Variants in ANO3 observed in about 807,000 individuals in gnomAD.
ANO3 encodes anoctamin-3.
Under a neutral mutation model 144.8 loss-of-function variants are expected in ANO3, and 99 were observed. The ratio of observed to expected loss-of-function variants is 0.68; its 90% CI spans 0.58 to 0.81. ANO3 has a LOEUF of 0.81. ANO3 is among the 30% of genes least tolerant of loss of function. The pLI is 0.00. For synonymous variants in ANO3, 414 were observed against 392.6 expected (o/e 1.05, Z -0.64); for missense variants, 905 against 1,202.2 (o/e 0.75, Z 3.66).
chr11:26,391,407 T>C (rs1311558108), intron 1 of ANO3, among the ~76,000 whole-genome samples: 1 of 152,158 alleles, frequency 6.6e-6, no homozygotes, highest in Non-Finnish European at 1.5e-5. Flanking sequence ...TTAAAGTTCC[T>C]ATTTCTTAAT....
intron 1 of ANO3, among the ~76,000 whole-genome samples, chr11:26,395,834 T>C (rs1856998267): frequency 6.6e-6 from 1 of 151,992 alleles, no homozygotes; most frequent in African/African-American, 2.4e-5. Flanking sequence ...CCTAAAACCA[T>C]AAAAACCCTA....
chr11:26,602,056 G>A (rs976367283), intron 17 of ANO3, among the ~76,000 whole-genome samples: 12 of 152,106 alleles, frequency 7.9e-5, no homozygotes, highest in South Asian at 4.1e-4. Flanking sequence ...GGGATGGTAC[G>A]TTTTATGATA....
chr11:26,559,714 C>G lies in ANO3; in HGVS notation c.1387-5C>G. The G allele has an allele frequency of 6.2e-7, 1 of 1,607,876 alleles. No homozygotes were observed. The highest frequency in any genetic ancestry group is 8.5e-7 in the Non-Finnish European group (1 of 1,174,688). ...GACTAATATTTCTGTTTGTTTTCTA[C>G]TCAGGTGACATATTTGTTCGATAAT... On this transcript the variant is annotated splice_polypyrimidine_tract_variant and splice_region_variant and intron_variant, in intron 13 of 26. Coordinates refer to ENST00000256737, the MANE Select transcript of ANO3 (RefSeq NM_031418.4).
intron 1 of ANO3, among the ~76,000 whole-genome samples, chr11:26,380,174 A>G (rs1206400698): frequency 6.6e-6 from 1 of 152,150 alleles, no homozygotes; most frequent in Non-Finnish European, 1.5e-5. Context: ...TACATCTATT[A>G]TTGGTTGTTA....
intron 17 of ANO3, among the ~76,000 whole-genome samples, chr11:26,610,122 A>T (rs557140878): frequency 1.1e-4 from 17 of 151,784 alleles, no homozygotes; most frequent in African/African-American, 3.6e-4. Context: ...TGTTGGTCAG[A>T]CTGGTCTCTA....
At chr11:26,299,535 G>C (rs1854171235) in intron 1 of ANO3, among the ~76,000 whole-genome samples, 1 of 152,052 alleles carries the variant, frequency 6.6e-6, no homozygotes, top group African/African-American at 2.4e-5. Context: ...AGTCAAGAGA[G>C]ATTGCCTTTT....
rs185188162 is a variant in ANO3 at position 26,322,776 on chromosome 11, C to T, written c.-3+13057C>T. On this transcript the variant is annotated intron_variant, in intron 1 of 26. Transcript: ENST00000525139. The stretch of plus-strand genomic sequence containing the variant: ...TCTACTGTAAAGGTAGTGTTCTTCC[C>T]CTTTCCCATACTGTACTCATAAGAG... Among the ~76,000 whole-genome samples, 48 of 152,098 alleles carry T rather than the reference C, an allele frequency of 3.2e-4. No individual in the cohort carries two copies. The Middle Eastern group carries it at 0.01, about 32-fold the overall frequency.
intron 1 of ANO3, among the ~76,000 whole-genome samples, chr11:26,420,811 A>G (rs891710142): frequency 4.6e-5 from 7 of 152,066 alleles, no homozygotes; most frequent in Non-Finnish European, 8.8e-5. Context: ...AATTTATTTC[A>G]GATGCTCTGA....
At chr11:26,549,643 G>T (rs1849879266) in intron 12 of ANO3, among the ~76,000 whole-genome samples, 1 of 151,812 alleles carries the variant, frequency 6.6e-6, no homozygotes, top group Non-Finnish European at 1.5e-5. Flanking sequence ...TCAGGTTTTA[G>T]ATGATTGTAT....
intron 1 of ANO3, among the ~76,000 whole-genome samples, chr11:26,322,393 T>G (rs990087110): frequency 3.3e-5 from 5 of 152,070 alleles, no homozygotes; most frequent in African/African-American, 1.2e-4. Context: ...AAGCCTATAG[T>G]TTATTCATAT....
At chr11:26,568,078 T>C (rs926778198) in intron 14 of ANO3, among the ~76,000 whole-genome samples, 4 of 152,010 alleles carry the variant, frequency 2.6e-5, no homozygotes, top group African/African-American at 9.7e-5. Flanking sequence ...GTGTTTGTAT[T>C]TGTGATCATT....
chr11:26,351,000 G>A (rs1855631698), intron 1 of ANO3, among the ~76,000 whole-genome samples: 1 of 152,090 alleles, frequency 6.6e-6, no homozygotes, highest in South Asian at 2.1e-4. Flanking sequence ...CTTTTGAGCT[G>A]TACAGTGTTG....
intron 10 of ANO3, 95 bp downstream of exon 10, chr11:26,537,556 A>C: frequency 9.4e-7 from 1 of 1,061,892 alleles, no homozygotes; most frequent in South Asian, 1.3e-5. Context: ...GTCCACTCCC[A>C]GGAGGATTCA....
chr11:26,546,818 G>A (rs556814289), intron 11 of ANO3, among the ~76,000 whole-genome samples: 56 of 152,026 alleles, frequency 3.7e-4, no homozygotes, highest in Admixed American at 9.2e-4. Flanking sequence ...GCTTACAATC[G>A]TATAGGGAGG....
chr11:26,389,194 C>A (rs1856813077), intron 1 of ANO3, among the ~76,000 whole-genome samples: 1 of 152,006 alleles, frequency 6.6e-6, no homozygotes. Context: ...GAGATATTTT[C>A]TCTTAGGAAA....
intron 4 of ANO3, among the ~76,000 whole-genome samples, chr11:26,497,901 T>C (rs1398727595): frequency 2.0e-5 from 3 of 152,056 alleles, no homozygotes; most frequent in Non-Finnish European, 2.9e-5. Flanking sequence ...ATTTTCATTC[T>C]CAAGCTATCA....
chr11:26,604,028 C>T (rs1452408340), intron 17 of ANO3, among the ~76,000 whole-genome samples: 1 of 152,050 alleles, frequency 6.6e-6, no homozygotes, highest in African/African-American at 2.4e-5. Context: ...CCCTACTGTG[C>T]AGTAGAACAC....
At chr11:26,491,146 C>T (rs1386844622) in intron 4 of ANO3, among the ~76,000 whole-genome samples, 1 of 152,018 alleles carries the variant, frequency 6.6e-6, no homozygotes, top group African/African-American at 2.4e-5. Flanking sequence ...GTACATTTTT[C>T]CCCTTCCTGT....
intron 1 of ANO3, among the ~76,000 whole-genome samples, chr11:26,315,655 G>C (rs550320046): frequency 6.4e-5 from 9 of 141,500 alleles, no homozygotes; most frequent in African/African-American, 2.4e-4. Context: ...CTATCTATCT[G>C]TCTGTCTATC....
Sources: gnomAD v4.1 joint callset for allele counts (sites outside exome capture counted in the v4.1 genomes callset) on GRCh38, gnomAD v4.1.1 for gene constraint, MANE v1.5 for transcripts, NCBI Gene and HGNC (gene_info 2026-07-23, HGNC 2026-07-21) for gene names.